Variants in MCTP1 observed in about 807,000 individuals in gnomAD.
MCTP1 encodes multiple C2 and transmembrane domain-containing protein 1.
In MCTP1, 69 loss-of-function variants were observed where a neutral mutation model predicts 120.6. The ratio of observed to expected loss-of-function variants is 0.57; its 90% CI spans 0.47 to 0.70. The LOEUF (loss-of-function observed/expected upper bound fraction) is 0.70. MCTP1 is among the 30% of genes least tolerant of loss of function. MCTP1 has a pLI of 0.00. For missense variants in MCTP1, 1,203 were observed against 1,248.8 expected (o/e 0.96, Z 0.55); for synonymous variants, 529 against 493.1 (o/e 1.07, Z -0.96).
At chr5:95,218,342 G>GAAAT (rs1753272177) in intron 1 of MCTP1, among the ~76,000 whole-genome samples, 1 of 152,166 alleles carries the variant, frequency 6.6e-6, no homozygotes, top group African/African-American at 2.4e-5. Context: ...CATAACAAGA[G>GAAAT]AAATGAATGA....
intron 1 of MCTP1, among the ~76,000 whole-genome samples, chr5:95,220,240 C>T (rs1238260596): frequency 6.6e-6 from 1 of 151,848 alleles, no homozygotes; most frequent in African/African-American, 2.4e-5. Flanking sequence ...TTTAACCAAG[C>T]ACAACTTGAT....
intron 2 of MCTP1, among the ~76,000 whole-genome samples, chr5:94,964,409 T>A (rs1157828169): frequency 6.6e-6 from 1 of 152,122 alleles, no homozygotes; most frequent in Non-Finnish European, 1.5e-5. Flanking sequence ...CCTTATTGAT[T>A]TTCTGTCTAG....
intron 1 of MCTP1, among the ~76,000 whole-genome samples, chr5:95,030,568 A>G (rs1488006696): frequency 6.6e-6 from 1 of 152,232 alleles, no homozygotes; most frequent in Non-Finnish European, 1.5e-5. Flanking sequence ...CCCAAGAGAC[A>G]CATCCAGAGC....
chr5:95,263,231 GTTCTGAGAGCAAGAAATCATGA>G (rs1758618185), intron 1 of MCTP1, among the ~76,000 whole-genome samples: 1 of 152,190 alleles, frequency 6.6e-6, no homozygotes, highest in African/African-American at 2.4e-5. Flanking sequence ...TCCAGCCCAA[GTTCTGAGAGCAAGAAATCATGA>G]GGGACAGGAC....
At position 95,101,311 on chromosome 5, in the gene MCTP1, A is replaced by G. The variant is rs147168863; in HGVS notation, c.721-83827T>C. 2.7e-3 allele frequency among the ~76,000 whole-genome samples: 416 copies of G among 152,324 alleles called. 2 individuals carry two copies. The highest frequency in any genetic ancestry group is 4.1e-3 in the Non-Finnish European group (281 of 68,034). On this transcript the variant is annotated intron_variant, in intron 1 of 22. Transcript: ENST00000515393. ...TCAAAATTTGTACATCCTGAAACAA[A>G]ACCATCTTTTTTTCAAAATAGGTAA... is the stretch of plus-strand genomic sequence containing the variant.
intron 1 of MCTP1, among the ~76,000 whole-genome samples, chr5:95,041,340 A>T (rs1312201431): frequency 2.0e-5 from 3 of 148,032 alleles, no homozygotes; most frequent in African/African-American, 5.2e-5. Flanking sequence ...AAGAAAAAAC[A>T]AAAAGAAAGT....
Position 95,101,009 on chromosome 5 carries a change from G to A in MCTP1, c.721-83525C>T, listed in dbSNP as rs557341819. ...GGGAAAACACAAGACAAGTTTGAAC[G>A]TTTTATGCCAGTGACAATGTCATGA... On this transcript the variant is annotated intron_variant, in intron 1 of 22. Transcript: ENST00000515393. Among the ~76,000 whole-genome samples the A allele has an allele frequency of 4.6e-5, 7 of 152,136 alleles. No individual in the cohort carries two copies. The South Asian group carries it at 1.2e-3, about 27-fold the overall frequency.
intron 1 of MCTP1, among the ~76,000 whole-genome samples, chr5:95,125,026 T>C (rs933812753): frequency 6.6e-6 from 1 of 152,234 alleles, no homozygotes; most frequent in East Asian, 1.9e-4. Flanking sequence ...TAAAGTGTAA[T>C]GGACTTTGAT....
chr5:94,854,022 C>T (rs1794266923), intron 17 of MCTP1, among the ~76,000 whole-genome samples: 1 of 151,644 alleles, frequency 6.6e-6, no homozygotes, highest in African/African-American at 2.4e-5. Context: ...AGGACATGCC[C>T]AGACAGGTGT....
chr5:95,071,494 T>C, intron 1 of MCTP1, among the ~76,000 whole-genome samples: 1 of 152,166 alleles, frequency 6.6e-6, no homozygotes. Flanking sequence ...TAAGTTAACT[T>C]CCCCTTTTAT....
At chr5:94,818,616 G>A (rs961502355) in intron 17 of MCTP1, among the ~76,000 whole-genome samples, 1 of 152,202 alleles carries the variant, frequency 6.6e-6, no homozygotes, top group African/African-American at 2.4e-5. Context: ...TGATAGCTGT[G>A]ATGGCTCTAC....
intron 2 of MCTP1, among the ~76,000 whole-genome samples, chr5:94,965,616 T>G (rs1450730751): frequency 6.6e-6 from 1 of 152,192 alleles, no homozygotes; most frequent in Non-Finnish European, 1.5e-5. Flanking sequence ...TCAACAGGTA[T>G]TTGTTAAATA....
chr5:95,230,065 C>T (rs1582602572), intron 1 of MCTP1, among the ~76,000 whole-genome samples: 3 of 151,968 alleles, frequency 2.0e-5, no homozygotes, highest in African/African-American at 7.2e-5. Context: ...TGGAGGCTTG[C>T]AGAATATAAT....
intron 17 of MCTP1, among the ~76,000 whole-genome samples, chr5:94,860,123 C>T (rs559525946): frequency 6.6e-6 from 1 of 151,660 alleles, no homozygotes; most frequent in Non-Finnish European, 1.5e-5. Context: ...ACTTGCCATG[C>T]AAAACAGCCA....
chr5:95,007,889 A>T (rs1195163544), intron 2 of MCTP1, among the ~76,000 whole-genome samples: 3 of 152,208 alleles, frequency 2.0e-5, no homozygotes, highest in African/African-American at 7.2e-5. Flanking sequence ...GAAGAGTTTC[A>T]GAGTGGAGTG....
intron 17 of MCTP1, among the ~76,000 whole-genome samples, chr5:94,831,783 A>G (rs1788565280): frequency 6.6e-6 from 1 of 152,230 alleles, no homozygotes; most frequent in African/African-American, 2.4e-5. Context: ...GGAACACAAT[A>G]TATACATATT....
chr5:95,258,534 T>TA (rs1320921079), intron 1 of MCTP1, among the ~76,000 whole-genome samples: 2 of 152,124 alleles, frequency 1.3e-5, no homozygotes, highest in Admixed American at 1.3e-4. Context: ...AGGTAAAAAC[T>TA]AACGAGACCT....
At chr5:95,233,247 T>C (rs1425660006) in intron 1 of MCTP1, among the ~76,000 whole-genome samples, 1 of 151,920 alleles carries the variant, frequency 6.6e-6, no homozygotes, top group Non-Finnish European at 1.5e-5. Context: ...TACTGTCTAA[T>C]CACAATGGAA....
At chr5:95,264,334 A>T (rs184266552) in intron 1 of MCTP1, among the ~76,000 whole-genome samples, 17 of 152,320 alleles carry the variant, frequency 1.1e-4, no homozygotes, top group Admixed American at 4.6e-4. Flanking sequence ...AAATACTAAA[A>T]TCCATTCAGG....
Sources: gnomAD v4.1 joint callset for allele counts (sites outside exome capture counted in the v4.1 genomes callset) on GRCh38, gnomAD v4.1.1 for gene constraint, MANE v1.5 for transcripts, NCBI Gene and HGNC (gene_info 2026-07-23, HGNC 2026-07-21) for gene names.